NPL: variants seen among roughly 807,000 people sequenced by gnomAD.
The protein encoded by NPL is N-acetylneuraminate pyruvate lyase, also known as N-acetylneuraminate lyase.
A neutral mutation model predicts 41.1 loss-of-function variants in NPL; 32 were observed. That is an observed-to-expected ratio of 0.78 (90% CI 0.59 to 1.05). The LOEUF (loss-of-function observed/expected upper bound fraction) is 1.05. Ranked by LOEUF, NPL falls within the 50% of genes least tolerant of loss-of-function variation. The pLI, the probability that NPL is intolerant of heterozygous loss-of-function variation, is 0.00. For synonymous variants in NPL, 128 were observed against 134.9 expected, an observed-to-expected ratio of 0.95 and a Z score of 0.35; for missense variants, 321 against 378.4, an observed-to-expected ratio of 0.85 and a Z score of 1.26.
At chr1:182,825,588 T>C (rs1242195988) in intron 11 of NPL, among the ~76,000 whole-genome samples, 193 bp from the exon 12 acceptor site, 1 of 152,202 alleles carries the variant, frequency 6.6e-6, no homozygotes, top group Admixed American at 6.5e-5. Context: ...AAAGCCTACA[T>C]GTATGAAAAG....
intron 2 of NPL, 128 bp from the exon 3 acceptor site, chr1:182,794,228 A>AAAT (rs1666593691): frequency 1.2e-6 from 1 of 841,518 alleles, no homozygotes; most frequent in Admixed American, 1.7e-5. Context: ...ACCATCTTGT[A>AAAT]CTTGCTCTGT....
intron 6 of NPL, among the ~76,000 whole-genome samples, chr1:182,813,587 A>T (rs1026856930): frequency 1.3e-5 from 2 of 152,200 alleles, no homozygotes; most frequent in Non-Finnish European, 1.5e-5. Flanking sequence ...ATTTTAAAAT[A>T]TTATCATGTA....
At chr1:182,818,330 T>C (rs1482276821) in intron 8 of NPL, among the ~76,000 whole-genome samples, 1 of 152,154 alleles carries the variant, frequency 6.6e-6, no homozygotes, top group East Asian at 1.9e-4. Flanking sequence ...TTCACAAATA[T>C]CCATCTACTG....
intron 1 of NPL, among the ~76,000 whole-genome samples, chr1:182,791,718 G>T (rs1666521594): frequency 6.6e-6 from 1 of 152,150 alleles, no homozygotes; most frequent in Admixed American, 6.5e-5. Flanking sequence ...GAACATCAGT[G>T]TTACCGTCCT....
At chr1:182,803,888 C>A in intron 4 of NPL, 117 bp downstream of exon 4, 1 of 800,310 alleles carries the variant, frequency 1.2e-6, no homozygotes, top group Non-Finnish European at 2.2e-6. Context: ...TATGATGGAG[C>A]CTGGCTAAGC....
In NPL at chr1:182,818,842, A is replaced by C; in HGVS notation, c.636A>C (p.Ala212=). ...TGTTGAGTGCTCTGGTGATGGGAGCAACTGGAGCAGTGGGCAGGTAAGCAT... is the reference window on the plus strand; with the variant it reads ...TGTTGAGTGCTCTGGTGATGGGAGCCACTGGAGCAGTGGGCAGGTAAGCAT... ...EQLLSALVMG[A]TGAVGSTYNY... The change falls in exon 10 of 13, where the codon GCA becomes GCC. Residue 212 remains alanine (A), a synonymous_variant. Coordinates refer to ENST00000367553, the MANE Select transcript of NPL (RefSeq NM_030769.3). 6.2e-7 allele frequency: 1 copy of C among 1,614,148 alleles called. No individual in the cohort carries two copies. Among genetic ancestry groups the C allele is most frequent in the African/African-American group, 1.3e-5 (1 of 75,030 alleles).
chr1:182,796,145 T>C (rs537405123), intron 3 of NPL, among the ~76,000 whole-genome samples: 2 of 142,966 alleles, frequency 1.4e-5, no homozygotes, highest in South Asian at 2.2e-4. Flanking sequence ...CTAGGAACCT[T>C]ACTTTCCTAA....
At chr1:182,809,873 G>A (rs1667127462) in intron 5 of NPL, 1 of 152,192 alleles carries the variant, frequency 6.6e-6, no homozygotes, top group Admixed American at 6.6e-5. Flanking sequence ...CCAGGAGAAA[G>A]AGGAAGAGCA....
chr1:182,813,701 G>T (rs772896278), intron 6 of NPL, among the ~76,000 whole-genome samples: 20 of 152,270 alleles, frequency 1.3e-4, no homozygotes, highest in Non-Finnish European at 2.5e-4. Context: ...TCCTGGTATA[G>T]GGGTAGTCTT....
At chr1:182,806,122 T>C (rs1342407661) in intron 4 of NPL, 23 bp from the exon 5 acceptor site, 14 of 1,614,010 alleles carry the variant, frequency 8.7e-6, no homozygotes, top group South Asian at 2.2e-5. Context: ...TTGGTCCTGC[T>C]GACTTACTCT....
intron 1 of NPL, among the ~76,000 whole-genome samples, chr1:182,790,890 A>G (rs2333463): frequency 0.19 from 28,558 of 152,064 alleles, 3,708 homozygotes; most frequent in African/African-American, 0.37. Flanking sequence ...TGATCCGCCC[A>G]CCTCGGCCTC....
At chr1:182,815,142 C>CAGTG (rs1667288469) in intron 7 of NPL, among the ~76,000 whole-genome samples, 1 of 152,114 alleles carries the variant, frequency 6.6e-6, no homozygotes, top group African/African-American at 2.4e-5. Context: ...GCTCCTAGAC[C>CAGTG]AGTGAGTTGC....
Position 182,820,723 on chromosome 1 carries a change from C to T in NPL, c.654-1392C>T, listed in dbSNP as rs533287220. 1.6e-4 allele frequency among the ~76,000 whole-genome samples: 25 copies of T among 152,184 alleles called. 1 individual carries two copies. In the South Asian group the frequency reaches 2.9e-3, roughly 18 times the overall value. The stretch of plus-strand genomic sequence containing the variant: ...CACGCTTTTAAATAACTGGATCTCA[C>T]GAGAACTCACTATCGCGACAACAGC... On this transcript the variant is annotated intron_variant, in intron 10 of 12. Transcript: ENST00000367553.
At chr1:182,809,138 C>A in intron 5 of NPL, 1 of 377,432 alleles carries the variant, frequency 2.6e-6, no homozygotes, top group Non-Finnish European at 5.2e-6. Context: ...AAGACATAAC[C>A]CTGTCATAAG....
chr1:182,790,130 T>C (rs1475753203), intron 1 of NPL, among the ~76,000 whole-genome samples: 2 of 152,072 alleles, frequency 1.3e-5, no homozygotes, highest in Non-Finnish European at 2.9e-5. Context: ...ACCTGATACA[T>C]CCCCCCTTCA....
At chr1:182,823,790 C>T (rs538342020) in intron 11 of NPL, among the ~76,000 whole-genome samples, 11 of 152,170 alleles carry the variant, frequency 7.2e-5, no homozygotes, top group Non-Finnish European at 1.2e-4. Flanking sequence ...TCTTTTTTCC[C>T]CTCTTAGTCC....
At chr1:182,806,833 T>TTTTTTG (rs1376603389) in intron 5 of NPL, among the ~76,000 whole-genome samples, 5 of 152,080 alleles carry the variant, frequency 3.3e-5, no homozygotes, top group African/African-American at 1.2e-4. Flanking sequence ...CTAAGTTTGT[T>TTTTTTG]TTTTTGTTTT....
At chr1:182,802,705 A>G (rs1193619528) in intron 3 of NPL, among the ~76,000 whole-genome samples, 1 of 152,182 alleles carries the variant, frequency 6.6e-6, no homozygotes, top group Non-Finnish European at 1.5e-5. Context: ...CCCCTCCTGC[A>G]TTTTGATTGA....
intron 4 of NPL, 101 bp from the exon 5 acceptor site, chr1:182,806,044 C>T (rs113545146): frequency 7.3e-7 from 1 of 1,373,688 alleles, no homozygotes; most frequent in South Asian, 1.2e-5. Context: ...CCCCTCCTGA[C>T]CATCCTCAGT....
Sources: gnomAD v4.1 joint callset for allele counts (sites outside exome capture counted in the v4.1 genomes callset) on GRCh38, gnomAD v4.1.1 for gene constraint, MANE v1.5 for transcripts, NCBI Gene and HGNC (gene_info 2026-07-23, HGNC 2026-07-21) for gene names.